Variants in PARD3B observed in about 807,000 individuals in gnomAD.
The protein encoded by PARD3B is partitioning defective 3 homolog B.
PARD3B carries 103 observed loss-of-function variants against 130.2 expected under a neutral mutation model. The ratio of observed to expected loss-of-function variants is 0.79; its 90% confidence interval spans 0.67 to 0.93. The LOEUF (loss-of-function observed/expected upper bound fraction) is 0.93. PARD3B is among the 40% of genes least tolerant of loss of function. The pLI is 0.00. For missense variants in PARD3B, 1,609 were observed against 1,499.2 expected (o/e 1.07, Z -1.21); for synonymous variants, 583 against 553.2 (o/e 1.05, Z -0.76).
intron 1 of PARD3B, among the ~76,000 whole-genome samples, chr2:204,661,025 C>T (rs922447472): frequency 2.0e-5 from 3 of 152,176 alleles, no homozygotes; most frequent in Non-Finnish European, 4.4e-5. Context: ...CCAGGGAGCA[C>T]TGCCAGTGAC....
chr2:205,555,988 G>C (rs2052864957), intron 22 of PARD3B, among the ~76,000 whole-genome samples: 1 of 152,170 alleles, frequency 6.6e-6, no homozygotes, highest in Non-Finnish European at 1.5e-5. Context: ...TGCAGATGCT[G>C]CTCTGAGTGC....
At chr2:204,745,418 T>G (rs1392693747) in intron 2 of PARD3B, among the ~76,000 whole-genome samples, 14 of 152,166 alleles carry the variant, frequency 9.2e-5, no homozygotes, top group African/African-American at 2.9e-4. Context: ...TTTTTTTTTT[T>G]TTGTTACGGA....
intron 1 of PARD3B, among the ~76,000 whole-genome samples, chr2:204,627,593 A>G (rs1429340549): frequency 2.0e-5 from 3 of 152,110 alleles, no homozygotes; most frequent in Non-Finnish European, 2.9e-5. Context: ...TATACAGCAC[A>G]CACTATTTTG....
At chr2:205,344,198 G>GTT (rs776380154) in intron 18 of PARD3B, among the ~76,000 whole-genome samples, 53 of 147,086 alleles carry the variant, frequency 3.6e-4, no homozygotes, top group African/African-American at 6.9e-4. Context: ...GTTGGTTTGT[G>GTT]TGTGTGTGTG....
At chr2:204,581,723 A>G (rs1280184408) in intron 1 of PARD3B, among the ~76,000 whole-genome samples, 1 of 152,190 alleles carries the variant, frequency 6.6e-6, no homozygotes, top group Non-Finnish European at 1.5e-5. Context: ...TTCAGGATGC[A>G]AAAGCTAAGG....
chr2:204,915,983 G>A (rs1403108586), intron 2 of PARD3B, among the ~76,000 whole-genome samples: 1 of 152,196 alleles, frequency 6.6e-6, no homozygotes, highest in Non-Finnish European at 1.5e-5. Flanking sequence ...AGTCTGTACA[G>A]TTGATTCCCA....
chr2:204,713,540 C>G (rs1265122305), intron 2 of PARD3B, among the ~76,000 whole-genome samples: 1 of 151,960 alleles, frequency 6.6e-6, no homozygotes, highest in Non-Finnish European at 1.5e-5. Flanking sequence ...GCTCTGTGCC[C>G]ATTAAACACT....
intron 12 of PARD3B, among the ~76,000 whole-genome samples, chr2:205,174,209 A>G (rs528669341): frequency 9.2e-5 from 14 of 152,278 alleles, no homozygotes; most frequent in South Asian, 2.1e-4. Context: ...GCGTTATTCC[A>G]TCAGAAGAAA....
chr2:205,222,623 A>G (rs6758662), intron 15 of PARD3B, among the ~76,000 whole-genome samples: 37,204 of 152,132 alleles, frequency 0.24, 5,194 homozygotes, highest in East Asian at 0.38. Flanking sequence ...GTTTTCCATC[A>G]GTTAATAGTG....
Position 205,619,483 on chromosome 2 carries a change from A to C in PARD3B, c.*3670A>C, listed in dbSNP as rs1370361591. The C allele has an allele frequency of 6.6e-6, 1 of 152,168 alleles. No individual in the cohort carries two copies. Among genetic ancestry groups the C allele is most frequent in the African/African-American group, 2.4e-5 (1 of 41,432 alleles). 9.4% of individuals were successfully genotyped at this position (152,168 alleles called of 1,614,324 possible). On this transcript the variant is annotated 3_prime_UTR_variant, in exon 23 of 23. Transcript: ENST00000406610. ...TGCTTTCTGAGTCTACGAGCAACAG[A>C]AAGACTGGTCTTAGTGCAATTAGGC...
chr2:204,899,884 G>C (rs764731178), intron 2 of PARD3B, among the ~76,000 whole-genome samples: 5 of 150,360 alleles, frequency 3.3e-5, no homozygotes, highest in Admixed American at 1.3e-4. Flanking sequence ...ACTATCCTTT[G>C]ATAAAAGTTT....
In PARD3B at chr2:204,611,653, C is replaced by T. The variant is rs1056222387; in HGVS notation, c.120+65534C>T. On this transcript the variant is annotated intron_variant, in intron 1 of 22. Transcript: ENST00000406610. ...TAATATGTAAGATATATATAAACAA[C>T]GAAAGGAAGAAAATGGGAAAGCAGT... 3.3e-5 allele frequency among the ~76,000 whole-genome samples: 5 copies of T among 152,032 alleles called. No individual in the cohort carries two copies. In the East Asian group the frequency reaches 5.8e-4, roughly 18 times the overall value.
intron 2 of PARD3B, among the ~76,000 whole-genome samples, chr2:204,921,661 A>G (rs1034030455): frequency 2.0e-5 from 3 of 152,250 alleles, no homozygotes; most frequent in African/African-American, 2.4e-5. Context: ...AGCATGTGAG[A>G]GAGGTCCTTA....
chr2:204,622,826 T>C (rs1387788244), intron 1 of PARD3B, among the ~76,000 whole-genome samples: 2 of 152,178 alleles, frequency 1.3e-5, no homozygotes, highest in African/African-American at 2.4e-5. Flanking sequence ...GAATATAGTG[T>C]ATTATCAGTA....
At chr2:204,936,093 G>A (rs748176102) in intron 2 of PARD3B, among the ~76,000 whole-genome samples, 5 of 152,214 alleles carry the variant, frequency 3.3e-5, no homozygotes, top group Non-Finnish European at 5.9e-5. Context: ...GTTTCCCAGT[G>A]TGCTGTAGGA....
chr2:205,218,870 A>G (rs2038086864), intron 15 of PARD3B, among the ~76,000 whole-genome samples: 2 of 152,316 alleles, frequency 1.3e-5, no homozygotes, highest in South Asian at 4.1e-4. Flanking sequence ...ACCTGAGGTC[A>G]GGAATTCAAG....
chr2:205,112,133 C>G (rs1433135687), intron 5 of PARD3B, among the ~76,000 whole-genome samples: 1 of 151,944 alleles, frequency 6.6e-6, no homozygotes, highest in Admixed American at 6.6e-5. Flanking sequence ...TTATTCCAAG[C>G]CTCTGACATA....
chr2:204,784,135 A>C (rs565160320), intron 2 of PARD3B, among the ~76,000 whole-genome samples: 14 of 152,146 alleles, frequency 9.2e-5, no homozygotes, highest in Non-Finnish European at 1.9e-4. Context: ...TTGATAAGCG[A>C]GTGATTGTTA....
intron 1 of PARD3B, among the ~76,000 whole-genome samples, chr2:204,656,651 G>C (rs2035649971): frequency 6.6e-6 from 1 of 152,066 alleles, no homozygotes; most frequent in South Asian, 2.1e-4. Context: ...CATAAGCACT[G>C]TCCATGTTTC....
Sources: allele counts gnomAD v4.1 joint callset (sites outside exome capture counted in the v4.1 genomes callset), GRCh38; gene constraint gnomAD v4.1.1; transcripts MANE v1.5; gene names NCBI Gene and HGNC (gene_info 2026-07-23, HGNC 2026-07-21).